ST8SIA4: variants seen among roughly 807,000 people sequenced by gnomAD.
ST8SIA4 encodes ST8 alpha-N-acetyl-neuraminide alpha-2,8-sialyltransferase 4, also known as CMP-N-acetylneuraminate-poly-alpha-2,8-sialyltransferase.
ST8SIA4 carries 15 observed loss-of-function variants against 33.9 expected under a neutral mutation model. The observed-to-expected ratio is 0.44, with a 90% CI of 0.30 to 0.68. The LOEUF (loss-of-function observed/expected upper bound fraction) is 0.68. Among genes scored for constraint, ST8SIA4 ranks in the 30% least tolerant of loss-of-function variants. The pLI is 0.10. For synonymous variants in ST8SIA4, 171 were observed against 151.2 expected, an observed-to-expected ratio of 1.13 and a Z score of -0.96; for missense variants, 321 against 428.0, an observed-to-expected ratio of 0.75 and a Z score of 2.21.
At chr5:100,848,473 A>G (rs1751613866) in intron 4 of ST8SIA4, among the ~76,000 whole-genome samples, 1 of 145,004 alleles carries the variant, frequency 6.9e-6, no homozygotes, top group African/African-American at 2.5e-5. Flanking sequence ...CAAAGAATAT[A>G]CACATATATA....
At chr5:100,840,665 A>G (rs1341857033) in intron 4 of ST8SIA4, among the ~76,000 whole-genome samples, 1 of 151,728 alleles carries the variant, frequency 6.6e-6, no homozygotes. Flanking sequence ...ATGAATGCCT[A>G]TATTATCTCC....
intron 3 of ST8SIA4, among the ~76,000 whole-genome samples, chr5:100,871,961 T>C (rs978560756): frequency 2.0e-5 from 3 of 152,058 alleles, no homozygotes; most frequent in African/African-American, 7.2e-5. Context: ...TCTTCTTAGT[T>C]CTGTATTTTC....
chr5:100,868,202 C>T (rs113807273), intron 3 of ST8SIA4, among the ~76,000 whole-genome samples: 49 of 152,088 alleles, frequency 3.2e-4, no homozygotes, highest in Middle Eastern at 6.8e-3. Context: ...TAACTAGACT[C>T]ATTGGTAGAT....
chr5:100,825,151 A>C (rs947830659), intron 4 of ST8SIA4, among the ~76,000 whole-genome samples: 1 of 152,222 alleles, frequency 6.6e-6, no homozygotes, highest in African/African-American at 2.4e-5. Context: ...AGAGTGGGAT[A>C]TAAGTAGAAG....
chr5:100,848,454 GTA>G (rs1751613509), intron 4 of ST8SIA4, among the ~76,000 whole-genome samples: 1 of 149,004 alleles, frequency 6.7e-6, no homozygotes, highest in Admixed American at 6.7e-5. Flanking sequence ...TGCAGTGTGT[GTA>G]TATATACAAA....
At chr5:100,860,092 T>C (rs1279511758) in intron 3 of ST8SIA4, among the ~76,000 whole-genome samples, 3 of 152,290 alleles carry the variant, frequency 2.0e-5, no homozygotes, top group South Asian at 4.1e-4. Context: ...GTGTAAAACA[T>C]GGTGTTCTGT....
intron 3 of ST8SIA4, among the ~76,000 whole-genome samples, chr5:100,884,510 G>A (rs969155000): frequency 2.0e-5 from 3 of 152,146 alleles, no homozygotes; most frequent in Non-Finnish European, 2.9e-5. Flanking sequence ...CCAATTGCAG[G>A]GAAGTGAGAT....
chr5:100,830,539 T>G (rs1292199337), intron 4 of ST8SIA4, among the ~76,000 whole-genome samples: 3 of 152,226 alleles, frequency 2.0e-5, no homozygotes, highest in Non-Finnish European at 4.4e-5. Context: ...GCAGCAGATA[T>G]CCGTATACAT....
intron 4 of ST8SIA4, among the ~76,000 whole-genome samples, chr5:100,831,120 T>C (rs970019923): frequency 6.6e-6 from 1 of 152,234 alleles, no homozygotes; most frequent in Non-Finnish European, 1.5e-5. Flanking sequence ...TTACATTATA[T>C]AATTATATTT....
chr5:100,867,269 TAGAGATTGGAGAAC>T lies in ST8SIA4; in HGVS notation c.504-10887_504-10874del, dbSNP rs577004431. Among the ~76,000 whole-genome samples the T allele has an allele frequency of 1.3e-4, 20 of 152,114 alleles. No individual in the cohort carries two copies. The South Asian group carries it at 3.3e-3, about 25-fold the overall frequency. On this transcript the variant is annotated intron_variant, in intron 3 of 4. Transcript: ENST00000231461. ...AGTTTGTAATTGGGATATTTAAAATTAGAGATTGGAGAACCAAGTGAGAATTCTCAAGATGTATG... is the reference window on the plus strand; with the variant it reads ...AGTTTGTAATTGGGATATTTAAAATTCAAGTGAGAATTCTCAAGATGTATG...
At chr5:100,887,508 T>A (rs1752564948) in intron 2 of ST8SIA4, among the ~76,000 whole-genome samples, 1 of 152,028 alleles carries the variant, frequency 6.6e-6, no homozygotes. Flanking sequence ...ACTTTTTTGG[T>A]CAATACTTAG....
chr5:100,812,175 A>C (rs768219916), intron 4 of ST8SIA4, 46 bp from the exon 5 acceptor site: 32 of 1,544,596 alleles, frequency 2.1e-5, no homozygotes, highest in Non-Finnish European at 8.8e-7. Flanking sequence ...ATTTAGACAC[A>C]CATAGAGCAT....
At chr5:100,900,258 G>A in intron 1 of ST8SIA4, 1 of 357,374 alleles carries the variant, frequency 2.8e-6, no homozygotes, top group Non-Finnish European at 5.6e-6. Context: ...CTTTGAAACT[G>A]CTGCCAAGCC....
At chr5:100,899,121 C>T (rs1752841539) in intron 1 of ST8SIA4, among the ~76,000 whole-genome samples, 1 of 152,118 alleles carries the variant, frequency 6.6e-6, no homozygotes, top group African/African-American at 2.4e-5. Flanking sequence ...TCAAAAGCCC[C>T]GTATTCCACC....
At chr5:100,851,691 G>C (rs1206740140) in intron 4 of ST8SIA4, among the ~76,000 whole-genome samples, 1 of 151,876 alleles carries the variant, frequency 6.6e-6, no homozygotes, top group Non-Finnish European at 1.5e-5. Context: ...TAGGTTTTTT[G>C]GAAGGATTCT....
intron 4 of ST8SIA4, among the ~76,000 whole-genome samples, chr5:100,854,801 T>A (rs1751780213): frequency 6.6e-6 from 1 of 152,200 alleles, no homozygotes; most frequent in African/African-American, 2.4e-5. Context: ...AAACCTGTTT[T>A]TTTCAGGACT....
chr5:100,861,417 C>A (rs1211039524), intron 3 of ST8SIA4, among the ~76,000 whole-genome samples: 2 of 152,018 alleles, frequency 1.3e-5, no homozygotes. Context: ...CTCCTTCTAG[C>A]AAACAAAGAT....
intron 4 of ST8SIA4, among the ~76,000 whole-genome samples, chr5:100,818,628 A>AT (rs571878033): frequency 1.4e-4 from 21 of 151,744 alleles, no homozygotes; most frequent in Admixed American, 9.2e-4. Context: ...TCAATTGTTA[A>AT]TTTTTTTTTC....
At chr5:100,857,970 T>A (rs555402498) in intron 3 of ST8SIA4, among the ~76,000 whole-genome samples, 2 of 152,168 alleles carry the variant, frequency 1.3e-5, no homozygotes, top group Admixed American at 1.3e-4. Flanking sequence ...TACTCATGAT[T>A]CATACCACTA....
Sources: allele counts gnomAD v4.1 joint callset (sites outside exome capture counted in the v4.1 genomes callset), GRCh38; gene constraint gnomAD v4.1.1; transcripts MANE v1.5; gene names NCBI Gene and HGNC (gene_info 2026-07-23, HGNC 2026-07-21).